Variants in WSCD2 observed in about 807,000 individuals in gnomAD.
The protein encoded by WSCD2 is WSC domain sialate O sulfotransferase 2.
In WSCD2, 28 loss-of-function variants were observed where a neutral mutation model predicts 55.7. The ratio of observed to expected loss-of-function variants is 0.50; its 90% confidence interval spans 0.37 to 0.69. The LOEUF is 0.69. Ranked by LOEUF, WSCD2 falls within the 30% of genes least tolerant of loss-of-function variation. The pLI, the probability that WSCD2 is intolerant of heterozygous loss-of-function variation, is 0.00. For missense variants in WSCD2, 616 were observed against 762.1 expected (o/e 0.81, Z 2.26); for synonymous variants, 301 against 301.9 (o/e 1.00, Z 0.03).
At chr12:108,162,873 A>G (rs943395016) in intron 1 of WSCD2, among the ~76,000 whole-genome samples, 2 of 152,196 alleles carry the variant, frequency 1.3e-5, no homozygotes, top group Admixed American at 6.5e-5. Context: ...TCATTCATTC[A>G]TAAGATATCA....
intron 1 of WSCD2, among the ~76,000 whole-genome samples, chr12:108,139,138 G>A (rs1197882712): frequency 6.6e-6 from 1 of 152,240 alleles, no homozygotes; most frequent in Non-Finnish European, 1.5e-5. Context: ...AGACTGAGAA[G>A]AGCAGCCTCA....
intron 5 of WSCD2, among the ~76,000 whole-genome samples, chr12:108,226,437 T>G (rs1048126320): frequency 6.6e-6 from 1 of 152,146 alleles, no homozygotes; most frequent in South Asian, 2.1e-4. Context: ...CATATCACCA[T>G]CTCATCAAGG....
At chr12:108,242,691 G>C (rs1254260455) in intron 8 of WSCD2, among the ~76,000 whole-genome samples, 1 of 152,146 alleles carries the variant, frequency 6.6e-6, no homozygotes, top group African/African-American at 2.4e-5. Context: ...CGTGTGCCGT[G>C]GTGGTTTGCT....
intron 1 of WSCD2, among the ~76,000 whole-genome samples, chr12:108,135,800 A>G (rs1876136203): frequency 6.6e-6 from 1 of 152,238 alleles, no homozygotes; most frequent in African/African-American, 2.4e-5. Flanking sequence ...CCACAAGCCA[A>G]ATCTGGCCCA....
chr12:108,212,378 C>G (rs1235254258), intron 4 of WSCD2, among the ~76,000 whole-genome samples: 1 of 152,192 alleles, frequency 6.6e-6, no homozygotes, highest in Admixed American at 6.5e-5. Flanking sequence ...GAAGCTGAGA[C>G]AGATAACAAG....
At chr12:108,162,101 T>C (rs926853188) in intron 1 of WSCD2, among the ~76,000 whole-genome samples, 84 of 152,262 alleles carry the variant, frequency 5.5e-4, no homozygotes, top group African/African-American at 1.7e-3. Context: ...GGTAAAATGG[T>C]AGCCAGTCCA....
chr12:108,233,287 G>A (rs1199421100), intron 7 of WSCD2, among the ~76,000 whole-genome samples: 1 of 152,164 alleles, frequency 6.6e-6, no homozygotes, highest in African/African-American at 2.4e-5. Context: ...GTTCACTTTG[G>A]GGACATTTAT....
chr12:108,129,966 G>A (rs1023065631), intron 1 of WSCD2, 40 bp downstream of exon 1: 1 of 152,298 alleles, frequency 6.6e-6, no homozygotes, highest in Non-Finnish European at 1.5e-5. Context: ...GAGGGCTCCA[G>A]GAGGGAGCCG....
At chr12:108,167,218 A>G (rs1879759290) in intron 1 of WSCD2, among the ~76,000 whole-genome samples, 1 of 152,212 alleles carries the variant, frequency 6.6e-6, no homozygotes, top group South Asian at 2.1e-4. Context: ...GAATGATAAG[A>G]TGAGATGAAG....
At chr12:108,216,751 G>C (rs947660015) in intron 4 of WSCD2, among the ~76,000 whole-genome samples, 1 of 152,204 alleles carries the variant, frequency 6.6e-6, no homozygotes, top group Non-Finnish European at 1.5e-5. Context: ...AACCTCAGAC[G>C]TGTTCCACCT....
intron 1 of WSCD2, among the ~76,000 whole-genome samples, chr12:108,187,641 C>CG (rs1248555727): frequency 5.9e-5 from 9 of 152,204 alleles, no homozygotes; most frequent in African/African-American, 2.2e-4. Flanking sequence ...TAGACAGTGT[C>CG]TGTCACATAG....
At chr12:108,156,396 C>G (rs1878514157) in intron 1 of WSCD2, among the ~76,000 whole-genome samples, 1 of 152,210 alleles carries the variant, frequency 6.6e-6, no homozygotes, top group Non-Finnish European at 1.5e-5. Flanking sequence ...GCAGTTATAA[C>G]TTTCTAAAAG....
intron 2 of WSCD2, among the ~76,000 whole-genome samples, chr12:108,198,762 T>C (rs749472355): frequency 6.6e-6 from 1 of 152,214 alleles, no homozygotes; most frequent in South Asian, 2.1e-4. Flanking sequence ...TTAGCTGATA[T>C]CTAGTGAATG....
intron 1 of WSCD2, among the ~76,000 whole-genome samples, chr12:108,173,850 G>GTGTGTGTT (rs1880519642): frequency 6.6e-6 from 1 of 151,500 alleles, no homozygotes; most frequent in African/African-American, 2.4e-5. Context: ...GTGTGTGTGT[G>GTGTGTGTT]TGTGTCAGGG....
intron 2 of WSCD2, among the ~76,000 whole-genome samples, chr12:108,202,586 G>T (rs913348494): frequency 5.5e-4 from 83 of 152,270 alleles, no homozygotes; most frequent in African/African-American, 1.9e-3. Context: ...ATTATTCTTA[G>T]CAAACTAATG....
rs528917761 is a variant in WSCD2 at position 108,181,105 on chromosome 12, G to A, written c.-551-14177G>A. Among the ~76,000 whole-genome samples, 75 of 152,316 alleles carry A rather than the reference G, an allele frequency of 4.9e-4. 1 individual carries two copies. The highest frequency in any genetic ancestry group is 1.5e-3 in the African/African-American group (62 of 41,576). ...CTCCCTGTGCACTGCCATGGGCAGA[G>A]GGCGTCCTGTGCTATCTATGAGAAA... On this transcript the variant is annotated intron_variant, in intron 1 of 8. Transcript: ENST00000547525.
chr12:108,164,509 A>G (rs1879420068), intron 1 of WSCD2, among the ~76,000 whole-genome samples: 1 of 151,922 alleles, frequency 6.6e-6, no homozygotes, highest in African/African-American at 2.4e-5. Context: ...TCAATTTTTA[A>G]TCCTTTCTCC....
At chr12:108,155,536 C>G (rs926352216) in intron 1 of WSCD2, among the ~76,000 whole-genome samples, 8 of 152,166 alleles carry the variant, frequency 5.3e-5, no homozygotes, top group African/African-American at 1.9e-4. Context: ...AAAGGCCTTG[C>G]TTATGACTGG....
At chr12:108,223,364 G>A (rs1023225394) in intron 4 of WSCD2, among the ~76,000 whole-genome samples, 6 of 152,128 alleles carry the variant, frequency 3.9e-5, no homozygotes, top group African/African-American at 1.4e-4. Flanking sequence ...TTTATAACCT[G>A]TAGAATTTTA....
Sources: gnomAD v4.1 joint callset for allele counts (sites outside exome capture counted in the v4.1 genomes callset) on GRCh38, gnomAD v4.1.1 for gene constraint, MANE v1.5 for transcripts, NCBI Gene and HGNC (gene_info 2026-07-23, HGNC 2026-07-21) for gene names.